TMEM117: variants seen among roughly 807,000 people sequenced by gnomAD.
The protein encoded by TMEM117 is transmembrane protein 117.
Under a neutral mutation model 52.4 loss-of-function variants are expected in TMEM117, and 27 were observed. The ratio of observed to expected loss-of-function variants is 0.51; its 90% confidence interval spans 0.38 to 0.71. TMEM117 has a LOEUF of 0.71. TMEM117 is among the 30% of genes least tolerant of loss of function. The pLI is 0.00. For synonymous variants in TMEM117, 215 were observed against 206.3 expected (o/e 1.04, Z -0.36); for missense variants, 556 against 630.5 (o/e 0.88, Z 1.26).
chr12:44,147,353 G>T (rs1289510825), intron 4 of TMEM117, among the ~76,000 whole-genome samples: 1 of 152,082 alleles, frequency 6.6e-6, no homozygotes, highest in Non-Finnish European at 1.5e-5. Flanking sequence ...CCCCAGTTTT[G>T]CCATTGCTGC....
At chr12:43,861,176 T>G (rs946841375) in intron 2 of TMEM117, among the ~76,000 whole-genome samples, 2 of 152,206 alleles carry the variant, frequency 1.3e-5, no homozygotes, top group African/African-American at 4.8e-5. Context: ...GTGGGGAGCG[T>G]GGTCCTGGAG....
intron 3 of TMEM117, among the ~76,000 whole-genome samples, chr12:43,971,547 T>C (rs1481428224): frequency 6.6e-6 from 1 of 152,224 alleles, no homozygotes; most frequent in Non-Finnish European, 1.5e-5. Context: ...ACGCCTTCAC[T>C]GCCTATACCC....
Position 43,904,942 on chromosome 12 carries a change from G to A in TMEM117, c.278-39268G>A, listed in dbSNP as rs143210255. 1.7e-3 allele frequency among the ~76,000 whole-genome samples: 253 copies of A among 152,226 alleles called. 1 individual carries two copies. The highest frequency in any genetic ancestry group is 5.8e-3 in the African/African-American group (240 of 41,548). ...GCAGATCACCTGAGGTCGGGAGTTCGAGACCAGCCTAACCAACAAGGAGAA... is the reference window on the plus strand; with the variant it reads ...GCAGATCACCTGAGGTCGGGAGTTCAAGACCAGCCTAACCAACAAGGAGAA... On this transcript the variant is annotated intron_variant, in intron 2 of 7. Coordinates refer to ENST00000266534, the MANE Select transcript of TMEM117 (RefSeq NM_032256.3).
At chr12:44,213,962 T>A (rs1949680608) in intron 5 of TMEM117, among the ~76,000 whole-genome samples, 1 of 152,044 alleles carries the variant, frequency 6.6e-6, no homozygotes, top group Non-Finnish European at 1.5e-5. Flanking sequence ...CAAGGTCACA[T>A]GTATACTATT....
At chr12:44,263,792 A>T (rs1051035186) in intron 5 of TMEM117, 1 of 152,218 alleles carries the variant, frequency 6.6e-6, no homozygotes, top group African/African-American at 2.4e-5. Context: ...TCATAAGAAA[A>T]GATAATGGAA....
chr12:44,289,362 G>C (rs1289254471), intron 5 of TMEM117, among the ~76,000 whole-genome samples: 4 of 151,682 alleles, frequency 2.6e-5, no homozygotes, highest in Non-Finnish European at 4.4e-5. Context: ...AGAAAGTGCA[G>C]ATATCTCATC....
chr12:44,115,621 G>A (rs73093470), intron 3 of TMEM117, among the ~76,000 whole-genome samples: 6,492 of 151,802 alleles, frequency 0.043, 164 homozygotes, highest in Middle Eastern at 0.15. Flanking sequence ...TGTTCCCACC[G>A]TAGTTTTATT....
chr12:43,964,032 C>T (rs1462545132), intron 3 of TMEM117, among the ~76,000 whole-genome samples: 1 of 152,152 alleles, frequency 6.6e-6, no homozygotes, highest in African/African-American at 2.4e-5. Flanking sequence ...AATCCAACAT[C>T]TCAGTGGTCT....
At chr12:43,851,289 C>A (rs965286865) in intron 2 of TMEM117, among the ~76,000 whole-genome samples, 3 of 151,978 alleles carry the variant, frequency 2.0e-5, no homozygotes, top group African/African-American at 7.2e-5. Context: ...TTTTGTGACT[C>A]TTTAGGTAAT....
chr12:44,263,148 A>G (rs1199127118), intron 5 of TMEM117, among the ~76,000 whole-genome samples: 2 of 152,186 alleles, frequency 1.3e-5, no homozygotes, highest in African/African-American at 2.4e-5. Context: ...AAAGTTAATA[A>G]TATCGTGAAA....
At chr12:44,092,548 A>T (rs547144255) in intron 3 of TMEM117, among the ~76,000 whole-genome samples, 8 of 152,324 alleles carry the variant, frequency 5.3e-5, no homozygotes, top group Admixed American at 5.2e-4. Context: ...CCAGAGGCAT[A>T]TTGAAATAAC....
the TMEM117 span, among the ~76,000 whole-genome samples, chr12:43,809,019 A>C: frequency 2.0e-5 from 3 of 152,310 alleles, no homozygotes; most frequent in Middle Eastern, 3.4e-3. Flanking sequence ...GGTTTGACCT[A>C]TGAAATGGTA....
the TMEM117 span, among the ~76,000 whole-genome samples, chr12:43,803,979 G>T: frequency 6.6e-6 from 1 of 152,058 alleles, no homozygotes; most frequent in African/African-American, 2.4e-5. Flanking sequence ...CCTGTTTACA[G>T]AATTATTTTT....
At chr12:44,246,333 A>G (rs1421340392) in intron 5 of TMEM117, among the ~76,000 whole-genome samples, 1 of 152,196 alleles carries the variant, frequency 6.6e-6, no homozygotes, top group Non-Finnish European at 1.5e-5. Flanking sequence ...TTCTTACAAT[A>G]AATACATTAA....
chr12:44,135,002 C>T (rs73288080), intron 3 of TMEM117, among the ~76,000 whole-genome samples: 4,648 of 152,110 alleles, frequency 0.031, 159 homozygotes, highest in African/African-American at 0.083. Flanking sequence ...ATATGTCAGC[C>T]AGCTTTCATC....
intron 1 of TMEM117, among the ~76,000 whole-genome samples, chr12:43,840,999 G>A (rs1943107941): frequency 6.6e-6 from 1 of 152,158 alleles, no homozygotes; most frequent in South Asian, 2.1e-4. Flanking sequence ...TAGAAAGTAG[G>A]GCTGAGAGGA....
intron 3 of TMEM117, among the ~76,000 whole-genome samples, chr12:44,141,040 G>A (rs970189970): frequency 6.6e-6 from 1 of 151,980 alleles, no homozygotes; most frequent in African/African-American, 2.4e-5. Flanking sequence ...ACTTTCCACA[G>A]TTCTCTCTAA....
intron 7 of TMEM117, among the ~76,000 whole-genome samples, chr12:44,380,270 G>A (rs1402990839): frequency 6.6e-6 from 1 of 152,178 alleles, no homozygotes; most frequent in Non-Finnish European, 1.5e-5. Flanking sequence ...GCCAGCAGAG[G>A]AGACTATGAT....
intron 2 of TMEM117, among the ~76,000 whole-genome samples, chr12:43,896,279 G>A (rs1592342068): frequency 6.6e-6 from 1 of 152,310 alleles, no homozygotes; most frequent in East Asian, 1.9e-4. Context: ...GACTATCAGT[G>A]GAGACAGTGT....
Sources: gnomAD v4.1 joint callset for allele counts (sites outside exome capture counted in the v4.1 genomes callset) on GRCh38, gnomAD v4.1.1 for gene constraint, MANE v1.5 for transcripts, NCBI Gene and HGNC (gene_info 2026-07-23, HGNC 2026-07-21) for gene names.